Variants in GALNT14 observed in about 807,000 individuals in gnomAD.
GALNT14 encodes polypeptide N-acetylgalactosaminyltransferase 14, also known as UDP-GalNAc:polypeptide N-acetylgalactosaminyltransferase 14.
A neutral mutation model predicts 77.5 loss-of-function variants in GALNT14; 60 were observed. The ratio of observed to expected loss-of-function variants is 0.77; its 90% CI spans 0.63 to 0.96. The LOEUF (loss-of-function observed/expected upper bound fraction) is 0.96, where lower values mean the gene tolerates loss of function less well. Ranked by LOEUF, GALNT14 falls within the 40% of genes least tolerant of loss-of-function variation. The probability of loss-of-function intolerance (pLI) is 0.00; values close to 1 mark genes in which losing one functional copy is unlikely to be tolerated. For missense variants in GALNT14, 710 were observed against 731.0 expected (o/e 0.97, Z 0.33); for synonymous variants, 280 against 281.7 (o/e 0.99, Z 0.06).
At chr2:31,102,581 AT>A (rs1476781562) in intron 1 of GALNT14, among the ~76,000 whole-genome samples, 1 of 152,124 alleles carries the variant, frequency 6.6e-6, no homozygotes, top group African/African-American at 2.4e-5. Flanking sequence ...GATGGTCAAT[AT>A]TTGTGAATGT....
chr2:31,066,127 C>A (rs1007154212), intron 1 of GALNT14, among the ~76,000 whole-genome samples: 1 of 152,198 alleles, frequency 6.6e-6, no homozygotes, highest in African/African-American at 2.4e-5. Flanking sequence ...CATGACAGGG[C>A]CCTTTTTCAT....
chr2:31,087,265 A>G, intron 1 of GALNT14, among the ~76,000 whole-genome samples: 1 of 152,192 alleles, frequency 6.6e-6, no homozygotes, highest in East Asian at 1.9e-4. Flanking sequence ...ATAGAGGGGA[A>G]AAACAGCAAT....
intron 1 of GALNT14, among the ~76,000 whole-genome samples, chr2:31,052,615 C>T (rs1479409576): frequency 1.3e-5 from 2 of 152,238 alleles, no homozygotes; most frequent in East Asian, 3.9e-4. Context: ...TCACCACTGA[C>T]CCAGGAGGGA....
intron 1 of GALNT14, among the ~76,000 whole-genome samples, chr2:31,124,355 G>C (rs1485262487): frequency 6.6e-6 from 1 of 152,214 alleles, no homozygotes; most frequent in African/African-American, 2.4e-5. Flanking sequence ...AGTGGAAAGT[G>C]AGGCTGAGGG....
intron 1 of GALNT14, among the ~76,000 whole-genome samples, chr2:31,022,842 G>C (rs1016977322): frequency 5.9e-5 from 9 of 152,218 alleles, no homozygotes; most frequent in Middle Eastern, 6.3e-3. Flanking sequence ...CCAAAATTCT[G>C]GATAAGTTCA....
Position 30,932,108 on chromosome 2 carries a change from G to A in GALNT14, c.1018C>T (p.Pro340Ser). The change falls in exon 10 of 15, where the codon CCC becomes TCC. Residue 340 changes from proline (P) to serine (S), a missense_variant. Physicochemically the swap from Pro to Ser is moderately conservative, Grantham distance 74. Coordinates refer to ENST00000349752, the MANE Select transcript of GALNT14 (RefSeq NM_024572.4). ...GCATTTCCATCAGGGAAAACGTAGG[G>A]GTGCTTCTTCCGGAAGACGTGCCCC... is the stretch of plus-strand genomic sequence containing the variant. ...RVGHVFRKKH[P>S]YVFPDGNANT... 2 of 1,576,652 alleles carry A rather than the reference G, an allele frequency of 1.3e-6. No homozygotes were observed. The highest frequency in any genetic ancestry group is 1.7e-6 in the Non-Finnish European group (2 of 1,160,852).
chr2:31,037,811 G>A (rs755946199), intron 1 of GALNT14, among the ~76,000 whole-genome samples: 1 of 151,800 alleles, frequency 6.6e-6, no homozygotes, highest in Non-Finnish European at 1.5e-5. Flanking sequence ...GGCTCTGTGT[G>A]TGTGTTGGAG....
intron 1 of GALNT14, among the ~76,000 whole-genome samples, chr2:31,081,875 T>C (rs1174968346): frequency 2.0e-5 from 3 of 152,176 alleles, no homozygotes; most frequent in Admixed American, 6.5e-5. Flanking sequence ...AAATCATGAT[T>C]TGAATCAATT....
intron 1 of GALNT14, among the ~76,000 whole-genome samples, chr2:31,026,806 A>C (rs1407730031): frequency 6.6e-6 from 1 of 152,166 alleles, no homozygotes; most frequent in African/African-American, 2.4e-5. Context: ...CTCATATACA[A>C]AGAAAAGGGA....
chr2:31,130,731 C>A (rs930316035), intron 1 of GALNT14, among the ~76,000 whole-genome samples: 3 of 104,094 alleles, frequency 2.9e-5, no homozygotes, highest in African/African-American at 1.2e-4. Context: ...CCCCAGGGTA[C>A]CTCTGTGTGT....
At chr2:30,927,648 G>T (rs1396154220) in intron 11 of GALNT14, among the ~76,000 whole-genome samples, 1 of 152,194 alleles carries the variant, frequency 6.6e-6, no homozygotes, top group East Asian at 1.9e-4. Flanking sequence ...AAGTTAATGG[G>T]TTGGTTTGTT....
chr2:31,052,880 A>G (rs868383334), intron 1 of GALNT14, among the ~76,000 whole-genome samples: 2 of 152,246 alleles, frequency 1.3e-5, no homozygotes, highest in Non-Finnish European at 1.5e-5. Context: ...TGAAACCGAA[A>G]TAGAACTGGG....
chr2:31,095,173 G>A (rs988760058), intron 1 of GALNT14, among the ~76,000 whole-genome samples: 1 of 152,152 alleles, frequency 6.6e-6, no homozygotes, highest in Non-Finnish European at 1.5e-5. Context: ...CAACACAGAG[G>A]TGAATTAATC....
chr2:31,051,176 G>A (rs1200302878), intron 1 of GALNT14, among the ~76,000 whole-genome samples: 1 of 152,184 alleles, frequency 6.6e-6, no homozygotes, highest in Non-Finnish European at 1.5e-5. Context: ...GCAACAGTCA[G>A]GGACTAACAG....
intron 1 of GALNT14, among the ~76,000 whole-genome samples, chr2:31,006,945 A>C (rs1484193336): frequency 2.6e-5 from 4 of 152,114 alleles, no homozygotes; most frequent in African/African-American, 9.7e-5. Flanking sequence ...AGCTTAGCAC[A>C]TTTTCTGTCT....
chr2:31,006,219 C>T (rs1670664582), intron 1 of GALNT14, among the ~76,000 whole-genome samples: 1 of 152,136 alleles, frequency 6.6e-6, no homozygotes, highest in Non-Finnish European at 1.5e-5. Flanking sequence ...AGGTTCTTGC[C>T]AGGCAAAGAT....
intron 1 of GALNT14, among the ~76,000 whole-genome samples, chr2:31,136,540 C>A (rs186717306): frequency 7.2e-5 from 11 of 152,150 alleles, no homozygotes; most frequent in African/African-American, 1.2e-4. Flanking sequence ...TCCTCTCCCC[C>A]CAGAGAGTAA....
chr2:30,901,638 TATG>T, the GALNT14 span, among the ~76,000 whole-genome samples: 21 of 152,104 alleles, frequency 1.4e-4, no homozygotes, highest in African/African-American at 4.6e-4. Flanking sequence ...TTAATACATA[TATG>T]ATTATATATA....
At chr2:31,053,404 C>G (rs930137160) in intron 1 of GALNT14, among the ~76,000 whole-genome samples, 1 of 152,128 alleles carries the variant, frequency 6.6e-6, no homozygotes, top group Admixed American at 6.6e-5. Flanking sequence ...AACACCTCAC[C>G]CAAGTAAGTG....
Sources: gnomAD v4.1 joint callset for allele counts (sites outside exome capture counted in the v4.1 genomes callset) on GRCh38, gnomAD v4.1.1 for gene constraint, MANE v1.5 for transcripts, NCBI Gene and HGNC (gene_info 2026-07-23, HGNC 2026-07-21) for gene names.